PTPRG: variants seen among roughly 807,000 people sequenced by gnomAD.
The protein encoded by PTPRG is receptor-type tyrosine-protein phosphatase gamma.
PTPRG carries 102 observed loss-of-function variants against 165.3 expected under a neutral mutation model. That is an observed-to-expected ratio of 0.62 (90% CI 0.53 to 0.73). The LOEUF is 0.73. Ranked by LOEUF, PTPRG falls within the 30% of genes least tolerant of loss-of-function variation. The pLI is 0.00. For synonymous variants in PTPRG, 675 were observed against 669.5 expected, an observed-to-expected ratio of 1.01 and a Z score of -0.13; for missense variants, 1,866 against 1,861.4, an observed-to-expected ratio of 1.00 and a Z score of -0.05.
intron 2 of PTPRG, among the ~76,000 whole-genome samples, chr3:61,920,916 T>G (rs2039062134): frequency 6.6e-6 from 1 of 152,220 alleles, no homozygotes; most frequent in South Asian, 2.1e-4. Flanking sequence ...GATGGTATCT[T>G]AGATTTGGTG....
intron 1 of PTPRG, among the ~76,000 whole-genome samples, chr3:61,695,461 T>G (rs183038523): frequency 2.4e-4 from 37 of 152,316 alleles, no homozygotes; most frequent in African/African-American, 8.9e-4. Context: ...AAAGGCTTAA[T>G]GTAGTAGTTT....
chr3:61,834,564 C>T (rs1331736109), intron 2 of PTPRG, among the ~76,000 whole-genome samples: 1 of 152,048 alleles, frequency 6.6e-6, no homozygotes, highest in Non-Finnish European at 1.5e-5. Flanking sequence ...CCTGTAATCC[C>T]AACACTTTGG....
At chr3:62,007,708 T>C (rs2041328961) in intron 4 of PTPRG, among the ~76,000 whole-genome samples, 1 of 152,234 alleles carries the variant, frequency 6.6e-6, no homozygotes, top group Non-Finnish European at 1.5e-5. Flanking sequence ...ATTTGTGTTA[T>C]AGTCTGAAGT....
chr3:61,981,559 G>T (rs778593005), intron 2 of PTPRG, among the ~76,000 whole-genome samples: 1 of 152,192 alleles, frequency 6.6e-6, no homozygotes, highest in Non-Finnish European at 1.5e-5. Context: ...TACTTGGTAT[G>T]TGCCAATTAC....
chr3:61,888,493 G>A (rs967857286), intron 2 of PTPRG, among the ~76,000 whole-genome samples: 6 of 151,990 alleles, frequency 3.9e-5, no homozygotes, highest in African/African-American at 1.5e-4. Flanking sequence ...ACTATGCGCG[G>A]CTAATTTTTT....
intron 6 of PTPRG, among the ~76,000 whole-genome samples, chr3:62,138,983 G>A (rs1348396072): frequency 3.9e-5 from 6 of 152,106 alleles, no homozygotes; most frequent in Non-Finnish European, 8.8e-5. Flanking sequence ...CGTCTAAAAC[G>A]GACCACTTTT....
At chr3:61,577,239 C>A (rs1169509433) in intron 1 of PTPRG, among the ~76,000 whole-genome samples, 2 of 152,190 alleles carry the variant, frequency 1.3e-5, no homozygotes, top group Non-Finnish European at 2.9e-5. Flanking sequence ...AAGCTGACAT[C>A]AGATAAATTT....
intron 2 of PTPRG, among the ~76,000 whole-genome samples, chr3:61,815,187 A>C (rs1014672202): frequency 4.6e-5 from 7 of 151,326 alleles, no homozygotes; most frequent in Admixed American, 4.6e-4. Flanking sequence ...TCTTGAGCTC[A>C]GGAGTTCAAG....
chr3:62,121,520 C>G (rs1703072668), intron 5 of PTPRG, among the ~76,000 whole-genome samples: 1 of 152,170 alleles, frequency 6.6e-6, no homozygotes, highest in South Asian at 2.1e-4. Flanking sequence ...AAACCCTGTA[C>G]TTAACCACTA....
intron 5 of PTPRG, among the ~76,000 whole-genome samples, chr3:62,089,466 A>ACGGT (rs1459893725): frequency 6.6e-6 from 1 of 152,218 alleles, no homozygotes; most frequent in Non-Finnish European, 1.5e-5. Flanking sequence ...GGATTAGGAA[A>ACGGT]CGGTCTATTG....
At chr3:62,232,675 C>T (rs751951707) in intron 14 of PTPRG, among the ~76,000 whole-genome samples, 16 of 152,188 alleles carry the variant, frequency 1.1e-4, no homozygotes, top group Non-Finnish European at 1.3e-4. Flanking sequence ...TCGACCCCCA[C>T]GTCAGTGGGC....
At chr3:61,752,034 A>G (rs1291533185) in intron 2 of PTPRG, among the ~76,000 whole-genome samples, 1 of 152,106 alleles carries the variant, frequency 6.6e-6, no homozygotes, top group East Asian at 1.9e-4. Context: ...CTCTGGCGTA[A>G]AGTAAGTAGT....
chr3:62,097,586 T>A (rs899736692), intron 5 of PTPRG, among the ~76,000 whole-genome samples: 1 of 152,290 alleles, frequency 6.6e-6, no homozygotes, highest in Non-Finnish European at 1.5e-5. Context: ...ATAGTAGGAA[T>A]GCATTCAAAA....
At chr3:61,911,628 G>A (rs556650350) in intron 2 of PTPRG, among the ~76,000 whole-genome samples, 31 of 152,058 alleles carry the variant, frequency 2.0e-4, no homozygotes, top group Middle Eastern at 3.4e-3. Context: ...ATGCTGCTGC[G>A]TCATGGTTTG....
chr3:62,003,077 A>AT (rs1553703292), intron 3 of PTPRG, among the ~76,000 whole-genome samples: 77 of 147,520 alleles, frequency 5.2e-4, no homozygotes, highest in South Asian at 1.3e-3. Context: ...CATTGTTTCC[A>AT]TTTTTTTTTT....
intron 5 of PTPRG, among the ~76,000 whole-genome samples, chr3:62,090,576 T>A (rs1701895170): frequency 6.6e-6 from 1 of 152,204 alleles, no homozygotes; most frequent in South Asian, 2.1e-4. Context: ...CTCATCCGAC[T>A]AAAACAGATC....
chr3:62,124,304 G>T, intron 5 of PTPRG: 1 of 1,601,552 alleles, frequency 6.2e-7, no homozygotes, highest in Non-Finnish European at 8.6e-7. Flanking sequence ...GGTGGTCAGC[G>T]GCATCCTGGA....
Position 61,562,789 on chromosome 3 carries a change from G to T in PTPRG, c.85+417G>T, listed in dbSNP as rs187186518. On this transcript the variant is annotated intron_variant, in intron 1 of 29. Coordinates refer to ENST00000474889, the MANE Select transcript of PTPRG (RefSeq NM_002841.4). ...TGGGGGGCCCGGGATGAGCCCCCTC[G>T]CTCTGGCGGGTATTGAAGGAACTCA... Among the ~76,000 whole-genome samples, 140 of 152,292 alleles carry T rather than the reference G, an allele frequency of 9.2e-4. 1 individual carries two copies. The highest frequency in any genetic ancestry group is 2.1e-3 in the African/African-American group (89 of 41,556).
intron 5 of PTPRG, chr3:62,124,624 A>G (rs1576032784): frequency 6.9e-6 from 1 of 144,072 alleles, no homozygotes. Flanking sequence ...CCGCGAGGGA[A>G]GGTGAGACCG....
Sources: allele counts gnomAD v4.1 joint callset (sites outside exome capture counted in the v4.1 genomes callset), GRCh38; gene constraint gnomAD v4.1.1; transcripts MANE v1.5; gene names NCBI Gene and HGNC (gene_info 2026-07-23, HGNC 2026-07-21).